SBF2: variants seen among roughly 807,000 people sequenced by gnomAD.
SBF2 encodes the protein SET binding factor 2, also known as myotubularin-related protein 13.
In SBF2, 112 loss-of-function variants were observed where a neutral mutation model predicts 225.2. The ratio of observed to expected loss-of-function variants is 0.50; its 90% CI spans 0.43 to 0.58. The LOEUF is 0.58. SBF2 is among the 20% of genes least tolerant of loss of function. SBF2 has a pLI of 0.00. For synonymous variants in SBF2, 763 were observed against 773.3 expected, an observed-to-expected ratio of 0.99 and a Z score of 0.22; for missense variants, 1,996 against 2,206.2, an observed-to-expected ratio of 0.90 and a Z score of 1.91.
upstream of SBF2, among the ~76,000 whole-genome samples, chr11:10,295,097 C>T (rs527929868): frequency 1.3e-5 from 2 of 152,210 alleles, no homozygotes; most frequent in Middle Eastern, 3.4e-3. Context: ...TTGTTAATAT[C>T]TCACGAAGTT....
At chr11:10,212,907 G>C (rs1957987973) in intron 1 of SBF2, among the ~76,000 whole-genome samples, 1 of 152,116 alleles carries the variant, frequency 6.6e-6, no homozygotes, top group Non-Finnish European at 1.5e-5. Flanking sequence ...AAATTAGCTG[G>C]GCATGGTGGT....
chr11:9,998,193 C>T (rs1244275905), intron 9 of SBF2, 73 bp downstream of exon 9: 3 of 899,558 alleles, frequency 3.3e-6, no homozygotes, highest in Admixed American at 3.8e-5. Context: ...CATTGACAAA[C>T]ATTTTTAATT....
intron 2 of SBF2, among the ~76,000 whole-genome samples, chr11:10,177,408 G>A (rs1298834685): frequency 2.7e-5 from 4 of 148,652 alleles, no homozygotes; most frequent in South Asian, 4.3e-4. Context: ...AATTGTCCCT[G>A]TTTGCAGACG....
chr11:10,233,229 G>A (rs938858949), intron 1 of SBF2, among the ~76,000 whole-genome samples: 2 of 151,998 alleles, frequency 1.3e-5, no homozygotes, highest in African/African-American at 4.8e-5. Flanking sequence ...TCCTTACAAA[G>A]TAGTTATCTT....
intron 1 of SBF2, among the ~76,000 whole-genome samples, chr11:10,208,394 C>T (rs1320496934): frequency 6.6e-6 from 1 of 152,190 alleles, no homozygotes; most frequent in South Asian, 2.1e-4. Context: ...AAAGAACTCC[C>T]GGCTACTTCA....
At chr11:10,230,059 A>G (rs1243623716) in intron 1 of SBF2, among the ~76,000 whole-genome samples, 1 of 152,086 alleles carries the variant, frequency 6.6e-6, no homozygotes, top group East Asian at 1.9e-4. Flanking sequence ...TCCCTTTACC[A>G]TTATGTAATG....
Position 9,875,351 on chromosome 11 carries a change from G to T in SBF2, c.1930-16955C>A, listed in dbSNP as rs982619091. On this transcript the variant is annotated intron_variant, in intron 17 of 39. Coordinates refer to ENST00000256190, the MANE Select transcript of SBF2 (RefSeq NM_030962.4). ...CAGAGGATCATTTCTCACTTCTAAG[G>T]CTTCTAGGAACATCATAAAATCCAC... Among the ~76,000 whole-genome samples, 5 of 152,120 alleles carry T rather than the reference G, an allele frequency of 3.3e-5. No homozygotes were observed. The East Asian group carries it at 9.6e-4, about 29-fold the overall frequency.
chr11:9,948,703 T>C (rs536703160), intron 16 of SBF2, among the ~76,000 whole-genome samples: 4 of 152,212 alleles, frequency 2.6e-5, no homozygotes, highest in African/African-American at 9.6e-5. Context: ...CATTCCTAAC[T>C]CCTCCCCTCA....
In SBF2 at chr11:9,789,044, G is replaced by A. The variant is rs360133; in HGVS notation, c.4932+65C>T. ...CCATGTTCAGAAGTTACTTAGCCTG[G>A]TTCCTTTGCCCTCATGCCTCCAGGG... On this transcript the variant is annotated intron_variant, in intron 35 of 39. Transcript: ENST00000256190. The A allele has an allele frequency of 0.02, 27,655 of 1,368,046 alleles. 1,353 individuals are homozygous for A. The highest frequency in any genetic ancestry group is 0.18 in the African/African-American group (12,487 of 70,134). 84.7% of individuals were successfully genotyped at this position (1,368,046 alleles called of 1,614,324 possible). A position where few individuals can be genotyped will look rare whatever the true frequency, so the allele number is the denominator to read the frequency against.
intron 2 of SBF2, among the ~76,000 whole-genome samples, chr11:10,104,175 G>A (rs562343719): frequency 3.0e-4 from 45 of 151,892 alleles, no homozygotes; most frequent in Non-Finnish European, 5.9e-4. Flanking sequence ...ACTTCATCCT[G>A]TTGTGGTCAG....
At chr11:10,073,484 G>A (rs565903436) in intron 2 of SBF2, among the ~76,000 whole-genome samples, 7 of 152,212 alleles carry the variant, frequency 4.6e-5, no homozygotes, top group Admixed American at 3.3e-4. Flanking sequence ...AGGGCCAGGC[G>A]GGCAGATCAC....
At chr11:9,967,969 C>CTATATA (rs1301230760) in intron 14 of SBF2, among the ~76,000 whole-genome samples, 6 of 87,414 alleles carry the variant, frequency 6.9e-5, no homozygotes, top group Admixed American at 1.3e-4. Flanking sequence ...CTCTCTCTCT[C>CTATATA]TCTATATATA....
At chr11:9,791,524 G>A (rs1205076714) in intron 33 of SBF2, among the ~76,000 whole-genome samples, 1 of 151,564 alleles carries the variant, frequency 6.6e-6, no homozygotes, top group Non-Finnish European at 1.5e-5. Flanking sequence ...CCTTTTAACT[G>A]CAGGGTCCAG....
At chr11:9,938,177 G>A (rs1865020244) in intron 16 of SBF2, among the ~76,000 whole-genome samples, 1 of 151,946 alleles carries the variant, frequency 6.6e-6, no homozygotes, top group Non-Finnish European at 1.5e-5. Flanking sequence ...TCTAGTCCCA[G>A]CTACTCAAGA....
chr11:10,242,395 T>C (rs764618656), intron 1 of SBF2, among the ~76,000 whole-genome samples: 8 of 151,966 alleles, frequency 5.3e-5, no homozygotes, highest in Non-Finnish European at 1.0e-4. Context: ...AAAAAAAGTA[T>C]ATTATTACAA....
At chr11:10,106,693 T>C (rs1267264293) in intron 2 of SBF2, among the ~76,000 whole-genome samples, 3 of 151,812 alleles carry the variant, frequency 2.0e-5, no homozygotes, top group Non-Finnish European at 2.9e-5. Context: ...ACCTGTTTTT[T>C]TTGAAATACA....
chr11:10,135,104 G>A (rs1954282798), intron 2 of SBF2, among the ~76,000 whole-genome samples: 1 of 152,250 alleles, frequency 6.6e-6, no homozygotes, highest in Non-Finnish European at 1.5e-5. Context: ...TCTGTGCACT[G>A]GCAGGCTCAA....
chr11:9,992,970 AAT>A lies in SBF2; in HGVS notation c.1167+18_1167+19del. On this transcript the variant is annotated intron_variant, in intron 11 of 39. Transcript: ENST00000256190. ...TAGAATATATTTTTTGGACAGATAC[AAT>A]ATAGTACTCTATCTTACCTTGTGGA... 1 of 1,514,184 alleles carries A rather than the reference AAT, an allele frequency of 6.6e-7. No homozygotes were observed. Among genetic ancestry groups the A allele is most frequent in the Non-Finnish European group, 9.1e-7 (1 of 1,094,238 alleles). 93.8% of individuals were successfully genotyped at this position (1,514,184 alleles called of 1,614,324 possible). A position where few individuals can be genotyped will look rare whatever the true frequency, so the allele number is the denominator to read the frequency against.
chr11:10,188,859 T>G (rs1957050078), intron 2 of SBF2, among the ~76,000 whole-genome samples: 3 of 152,258 alleles, frequency 2.0e-5, no homozygotes, highest in African/African-American at 7.2e-5. Context: ...CCACTTGCTT[T>G]GTTGTGAACA....
Sources: gnomAD v4.1 joint callset for allele counts (sites outside exome capture counted in the v4.1 genomes callset) on GRCh38, gnomAD v4.1.1 for gene constraint, MANE v1.5 for transcripts, NCBI Gene and HGNC (gene_info 2026-07-23, HGNC 2026-07-21) for gene names.